CDC42BPA: variants seen among roughly 807,000 people sequenced by gnomAD.
CDC42BPA encodes the protein CDC42 binding protein kinase alpha.
Under a neutral mutation model 223.5 loss-of-function variants are expected in CDC42BPA, and 80 were observed. That is an observed-to-expected ratio of 0.36 (90% CI 0.30 to 0.43). The LOEUF (loss-of-function observed/expected upper bound fraction) is 0.43. Ranked by LOEUF, CDC42BPA falls within the 20% of genes least tolerant of loss-of-function variation. The pLI is 1.00. For synonymous variants in CDC42BPA, 694 were observed against 718.6 expected (o/e 0.97, Z 0.55); for missense variants, 1,743 against 2,099.9 (o/e 0.83, Z 3.32).
chr1:227,185,977 G>A (rs1668714273), intron 5 of CDC42BPA, among the ~76,000 whole-genome samples: 1 of 152,206 alleles, frequency 6.6e-6, no homozygotes, highest in Admixed American at 6.5e-5. Flanking sequence ...AGATATGTAA[G>A]AGAAGTAAGG....
chr1:227,150,869 G>GA (rs149369718), intron 6 of CDC42BPA, among the ~76,000 whole-genome samples: 7 of 128,024 alleles, frequency 5.5e-5, no homozygotes, highest in East Asian at 2.2e-4. Flanking sequence ...AAAAAAAAAA[G>GA]AAAAAAAAAA....
chr1:227,053,188 G>A (rs982359333), intron 21 of CDC42BPA, among the ~76,000 whole-genome samples: 2 of 152,140 alleles, frequency 1.3e-5, no homozygotes, highest in Admixed American at 1.3e-4. Flanking sequence ...ATGATATGTT[G>A]CATATGTTAA....
intron 1 of CDC42BPA, among the ~76,000 whole-genome samples, chr1:227,281,982 G>A (rs181921000): frequency 6.6e-6 from 1 of 152,070 alleles, no homozygotes; most frequent in Non-Finnish European, 1.5e-5. Context: ...TTGAGGTCGG[G>A]AGTTCGCGAC....
At chr1:227,017,904 T>C (rs116025302) in intron 32 of CDC42BPA, among the ~76,000 whole-genome samples, 1,637 of 151,590 alleles carry the variant, frequency 0.011, 34 homozygotes, top group African/African-American at 0.037. Context: ...AAGGAGGAGG[T>C]GAGAAGAAGC....
intron 34 of CDC42BPA, among the ~76,000 whole-genome samples, chr1:227,006,985 A>T (rs1664224304): frequency 6.6e-6 from 1 of 151,768 alleles, no homozygotes; most frequent in Non-Finnish European, 1.5e-5. Flanking sequence ...AACAACAACA[A>T]CAACAACCCC....
intron 2 of CDC42BPA, chr1:227,234,120 A>T (rs75606178): frequency 0.054 from 8,183 of 152,188 alleles, 245 homozygotes; most frequent in Non-Finnish European, 0.072. Context: ...TGGACATGGC[A>T]TCTTCAGGCT....
At chr1:227,181,484 T>C (rs1667921704) in intron 5 of CDC42BPA, among the ~76,000 whole-genome samples, 1 of 152,252 alleles carries the variant, frequency 6.6e-6, no homozygotes, top group East Asian at 1.9e-4. Context: ...ATCTTCTTCC[T>C]ATGATAAACA....
At chr1:227,311,618 G>C (rs1048331242) in intron 1 of CDC42BPA, among the ~76,000 whole-genome samples, 1 of 150,778 alleles carries the variant, frequency 6.6e-6, no homozygotes, top group Non-Finnish European at 1.5e-5. Context: ...CCCAAACTCA[G>C]AAACGGAAAA....
intron 7 of CDC42BPA, 67 bp downstream of exon 7, chr1:227,147,292 T>C: frequency 8.7e-7 from 1 of 1,148,334 alleles, no homozygotes; most frequent in Non-Finnish European, 1.2e-6. Flanking sequence ...ATATTTTCTC[T>C]TTAAAAATGG....
rs765342672 is a variant in CDC42BPA at position 227,031,527 on chromosome 1, A to G, written c.3559-13T>C. On this transcript the variant is annotated splice_polypyrimidine_tract_variant and intron_variant, in intron 27 of 36. Coordinates refer to ENST00000366766, the MANE Select transcript of CDC42BPA (RefSeq NM_001394014.1). ...GGGAAGCTGTGACCTAGAACAATTTAATCAATATTCATGATATTAGAAAAC... is the reference window on the plus strand; with the variant it reads ...GGGAAGCTGTGACCTAGAACAATTTGATCAATATTCATGATATTAGAAAAC... 4 of 1,602,500 alleles carry G rather than the reference A, an allele frequency of 2.5e-6. No individual in the cohort carries two copies. Among genetic ancestry groups the G allele is most frequent in the Non-Finnish European group, 3.4e-6 (4 of 1,170,068 alleles).
intron 3 of CDC42BPA, among the ~76,000 whole-genome samples, chr1:227,207,089 A>G (rs1384749541): frequency 2.1e-5 from 1 of 47,468 alleles, no homozygotes; most frequent in Non-Finnish European, 3.7e-5. Context: ...CCCTCCCCCC[A>G]CCCCACAACA....
intron 16 of CDC42BPA, among the ~76,000 whole-genome samples, chr1:227,091,660 A>T (rs1287575386): frequency 6.6e-6 from 1 of 152,358 alleles, no homozygotes; most frequent in Non-Finnish European, 1.5e-5. Flanking sequence ...AGGCTCAAAA[A>T]AATATATGGG....
At chr1:227,223,566 T>A (rs776268034) in intron 2 of CDC42BPA, among the ~76,000 whole-genome samples, 7 of 152,066 alleles carry the variant, frequency 4.6e-5, no homozygotes, top group Non-Finnish European at 1.0e-4. Context: ...AGGAAGAAAC[T>A]GAAGAAATAC....
chr1:227,109,673 T>C (rs1341755621), intron 14 of CDC42BPA, among the ~76,000 whole-genome samples: 3 of 152,030 alleles, frequency 2.0e-5, no homozygotes, highest in Admixed American at 1.3e-4. Context: ...GCTATCTTTC[T>C]TTATATCCAT....
chr1:227,255,132 C>T (rs1174107479), intron 1 of CDC42BPA, among the ~76,000 whole-genome samples: 1 of 152,124 alleles, frequency 6.6e-6, no homozygotes, highest in Non-Finnish European at 1.5e-5. Flanking sequence ...ATTCTGCTGC[C>T]TCTAAGAGAA....
intron 5 of CDC42BPA, among the ~76,000 whole-genome samples, chr1:227,187,542 A>G (rs139069476): frequency 2.2e-4 from 34 of 151,576 alleles, no homozygotes; most frequent in African/African-American, 6.0e-4. Context: ...TACAAAAGGT[A>G]TAAGTTACAT....
intron 4 of CDC42BPA, among the ~76,000 whole-genome samples, chr1:227,198,981 C>T (rs1671260455): frequency 6.6e-6 from 1 of 152,162 alleles, no homozygotes; most frequent in African/African-American, 2.4e-5. Context: ...ATCTCCTAAC[C>T]TCATGATCCT....
At position 227,037,054 on chromosome 1, in the gene CDC42BPA, C is replaced by G. The variant is rs16846860; in HGVS notation, c.3200-1447G>C. ...AGAGTCTGAGAAGACCTCAAAAATT[C>G]CTACTATGAATTGCAAGTAATTGTG... is the stretch of plus-strand genomic sequence containing the variant. On this transcript the variant is annotated intron_variant, in intron 24 of 36. Coordinates refer to ENST00000366766, the MANE Select transcript of CDC42BPA (RefSeq NM_001394014.1). Among the ~76,000 whole-genome samples, 148 of 152,282 alleles carry G rather than the reference C, an allele frequency of 9.7e-4. 1 individual carries two copies. Among genetic ancestry groups the G allele is most frequent in the African/African-American group, 2.3e-3 (94 of 41,564 alleles).
At chr1:227,020,491 C>T (rs570660090) in intron 32 of CDC42BPA, among the ~76,000 whole-genome samples, 1 of 152,332 alleles carries the variant, frequency 6.6e-6, no homozygotes, top group African/African-American at 2.4e-5. Context: ...TTTCACCTTG[C>T]ATTTTTATGT....
Sources: gnomAD v4.1 joint callset for allele counts (sites outside exome capture counted in the v4.1 genomes callset) on GRCh38, gnomAD v4.1.1 for gene constraint, MANE v1.5 for transcripts, NCBI Gene and HGNC (gene_info 2026-07-23, HGNC 2026-07-21) for gene names.